The following ELMO2 variants were observed in gnomAD, a reference collection of about 807,000 sequenced individuals.
ELMO2 encodes engulfment and cell motility protein 2.
A neutral mutation model predicts 96.2 loss-of-function variants in ELMO2; 37 were observed. The ratio of observed to expected loss-of-function variants is 0.38; its 90% CI spans 0.30 to 0.51. ELMO2 has a LOEUF of 0.51. ELMO2 is among the 20% of genes least tolerant of loss of function. ELMO2 has a pLI of 0.88. For synonymous variants in ELMO2, 315 were observed against 329.4 expected (o/e 0.96, Z 0.47); for missense variants, 561 against 912.6 (o/e 0.61, Z 4.96).
At chr20:46,369,961 GGTGTGTGTGTGTGT>G (rs200632114) in intron 20 of ELMO2, 14,129 of 49,990 alleles carry the variant, frequency 0.28, 382 homozygotes, top group East Asian at 0.44. Context: ...TGGGTATGGG[GGTGTGTGTGTGTGT>G]GTGTGTGTGT....
chr20:46,373,578 A>C, intron 15 of ELMO2, 43 bp from the exon 16 acceptor site: 2 of 1,607,720 alleles, frequency 1.2e-6, no homozygotes, highest in East Asian at 4.5e-5. Flanking sequence ...GCCTCTGTCC[A>C]CAAGGGCCTG....
In ELMO2 at chr20:46,371,614, C is replaced by T. The variant is rs954941889; in HGVS notation, c.1658G>A (p.Ser553Asn). Residue 553 changes from serine to asparagine, a missense_variant, in exon 18 of 22, where the codon AGC (serine) becomes AAC (asparagine). By Grantham distance (46) the Ser-to-Asn change is conservative (BLOSUM62 1). Transcript: ENST00000290246. This position sits in a 1 kb window ranked among gnomAD's most constrained non-coding sequence, Gnocchi z 5.9. ...QQRLNRLCEG[S>N]SFRKIGNRRR... ...GCGGTTCCCAATCTTTCGGAAGCTGCTGCCCTCACAGAGCCGGTTCAGGCG... is the reference window on the plus strand; with the variant it reads ...GCGGTTCCCAATCTTTCGGAAGCTGTTGCCCTCACAGAGCCGGTTCAGGCG... 2 of 1,606,482 alleles carry T rather than the reference C, an allele frequency of 1.2e-6. No homozygotes were observed. The highest frequency in any genetic ancestry group is 8.5e-7 in the Non-Finnish European group (1 of 1,177,640).
rs1278654421 is a variant in ELMO2 at position 46,393,472 on chromosome 20, T to C, written c.192+57A>G. On this transcript the variant is annotated intron_variant, in intron 5 of 21. Transcript: ENST00000290246. ...AGTGAAGATAAATAGTGCCGTCTCC[T>C]TGGGTCGTTTAATTCCAAGCAAGGC... The C allele has an allele frequency of 1.9e-6, 3 of 1,576,940 alleles. No individual in the cohort carries two copies. In the African/African-American group the frequency reaches 4.1e-5, roughly 21 times the overall value.
intron 1 of ELMO2, among the ~76,000 whole-genome samples, chr20:46,404,883 T>C (rs1394177047): frequency 1.3e-5 from 2 of 152,204 alleles, no homozygotes; most frequent in African/African-American, 4.8e-5. Context: ...TAAAATTATA[T>C]CTATGGCTCA....
intron 10 of ELMO2, among the ~76,000 whole-genome samples, chr20:46,380,575 T>A (rs1045939145): frequency 6.6e-6 from 1 of 152,168 alleles, no homozygotes; most frequent in Non-Finnish European, 1.5e-5. Flanking sequence ...CAAAGAGAGA[T>A]GAGGACTGCT....
intron 9 of ELMO2, among the ~76,000 whole-genome samples, chr20:46,384,375 G>C (rs2060006170): frequency 6.6e-6 from 1 of 152,088 alleles, no homozygotes; most frequent in Admixed American, 6.5e-5. Context: ...TGGGCTTCCT[G>C]GTTAGTCACA....
chr20:46,397,260 G>A (rs2060261056), intron 2 of ELMO2, among the ~76,000 whole-genome samples: 1 of 152,150 alleles, frequency 6.6e-6, no homozygotes, highest in African/African-American at 2.4e-5. Flanking sequence ...TTCCCACAAA[G>A]CCCAGGCAGC....
chr20:46,378,882 A>G (rs551443159), intron 11 of ELMO2, among the ~76,000 whole-genome samples: 1 of 152,370 alleles, frequency 6.6e-6, no homozygotes, highest in African/African-American at 2.4e-5. Context: ...GGAAAATGGC[A>G]GACTCCAAAG....
At chr20:46,403,829 A>C (rs1488818367) in intron 1 of ELMO2, among the ~76,000 whole-genome samples, 1 of 152,200 alleles carries the variant, frequency 6.6e-6, no homozygotes, top group African/African-American at 2.4e-5. Context: ...CACGCCTGTA[A>C]TCTCAGAACT....
intron 6 of ELMO2, among the ~76,000 whole-genome samples, chr20:46,391,573 G>T (rs1354330622): frequency 6.6e-6 from 1 of 152,098 alleles, no homozygotes. Flanking sequence ...AACCAAAGGT[G>T]CAACCATATT....
chr20:46,368,850 A>C (rs2059636602), intron 21 of ELMO2, 41 bp downstream of exon 21: 1 of 1,608,378 alleles, frequency 6.2e-7, no homozygotes, highest in African/African-American at 1.3e-5. Flanking sequence ...GAAGAGTTAC[A>C]GAAATAGCTC....
Position 46,371,351 on chromosome 20 carries a change from C to T in ELMO2, c.1801+1G>A. The T allele has an allele frequency of 6.2e-7, 1 of 1,614,184 alleles. No individual in the cohort carries two copies. The highest frequency in any genetic ancestry group is 8.5e-7 in the Non-Finnish European group (1 of 1,179,980). ...ACACATCAACAGAGAAATGAACCTA[C>T]TTTTCTCCTGCAGGGATTCAAATGT... On this transcript the variant is annotated splice_donor_variant, in intron 19 of 21. Transcript: ENST00000290246. LOFTEE classifies it high-confidence loss of function. The surrounding 1 kb of genome is among the most constrained non-coding windows in gnomAD (Gnocchi z 5.9).
At chr20:46,373,258 C>G in intron 16 of ELMO2, 141 bp downstream of exon 16, 1 of 1,117,720 alleles carries the variant, frequency 8.9e-7, no homozygotes, top group Non-Finnish European at 1.3e-6. Context: ...TGAGGCTCCC[C>G]AGTGCCTCAG....
At chr20:46,400,804 A>C (rs1341940850) in intron 1 of ELMO2, among the ~76,000 whole-genome samples, 1 of 152,240 alleles carries the variant, frequency 6.6e-6, no homozygotes, top group Non-Finnish European at 1.5e-5. Context: ...AGTGGCTTCT[A>C]GAAGGTGTGC....
rs762850097 is a variant in ELMO2, at chr20:46,375,405, G to A, written c.931-35C>T. On this transcript the variant is annotated intron_variant, in intron 12 of 21. Transcript: ENST00000290246. The surrounding 1 kb of genome is among the most constrained non-coding windows in gnomAD (Gnocchi z 4.6). ...GAAACAGACAGTCAGCAGGTGAATC[G>A]GCTAACCAAGGGAGCAAGGAAAAGA... 5.6e-6 allele frequency: 9 copies of A among 1,609,658 alleles called. No homozygotes were observed. Among genetic ancestry groups the A allele is most frequent in the Admixed American group, 1.7e-5 (1 of 59,714 alleles).
intron 16 of ELMO2, 172 bp downstream of exon 16, chr20:46,373,227 G>A: frequency 1.3e-6 from 1 of 793,442 alleles, no homozygotes; most frequent in Non-Finnish European, 1.9e-6. Context: ...GGTCACAGAG[G>A]GAGCAACAAC....
At chr20:46,391,818 C>T (rs1031194306) in intron 6 of ELMO2, among the ~76,000 whole-genome samples, 2 of 152,192 alleles carry the variant, frequency 1.3e-5, no homozygotes, top group Non-Finnish European at 2.9e-5. Flanking sequence ...ACAGGAGTTG[C>T]GGGGAGACCT....
chr20:46,387,962 AGAT>A (rs1457262242), intron 7 of ELMO2, among the ~76,000 whole-genome samples: 3 of 152,370 alleles, frequency 2.0e-5, no homozygotes, highest in Non-Finnish European at 2.9e-5. Context: ...GGAGACGACA[AGAT>A]GATGATGTAT....
chr20:46,402,717 G>C (rs1163991552), intron 1 of ELMO2, among the ~76,000 whole-genome samples: 2 of 152,172 alleles, frequency 1.3e-5, no homozygotes, highest in Non-Finnish European at 2.9e-5. Flanking sequence ...ATAAATAAGG[G>C]AACTGAAGTC....
Sources: gnomAD v4.1 joint callset for allele counts (sites outside exome capture counted in the v4.1 genomes callset) on GRCh38, gnomAD v4.1.1 for gene constraint, Gnocchi (gnomAD v3.1) non-coding constraint, MANE v1.5 for transcripts, NCBI Gene and HGNC (gene_info 2026-07-23, HGNC 2026-07-21) for gene names.